The following DNAH7 variants were observed in gnomAD, a reference collection of about 807,000 sequenced individuals.
DNAH7 encodes axonemal beta dynein heavy chain 7.
A neutral mutation model predicts 444.6 loss-of-function variants in DNAH7; 397 were observed. The observed-to-expected ratio is 0.89, with a 90% confidence interval of 0.82 to 0.97. The LOEUF is 0.97. DNAH7 is among the 50% of genes least tolerant of loss of function. The pLI is 0.00. For synonymous variants in DNAH7, 1,636 were observed against 1,624.4 expected (o/e 1.01, Z -0.17); for missense variants, 4,902 against 4,800.8 (o/e 1.02, Z -0.62).
chr2:195,768,536 G>A (rs1694692917), intron 61 of DNAH7, among the ~76,000 whole-genome samples: 1 of 151,692 alleles, frequency 6.6e-6, no homozygotes, highest in African/African-American at 2.4e-5. Context: ...CTTTGCATAC[G>A]TGTGCATGTA....
intron 31 of DNAH7, among the ~76,000 whole-genome samples, chr2:195,891,040 T>G (rs1701985940): frequency 6.6e-6 from 1 of 152,214 alleles, no homozygotes; most frequent in Non-Finnish European, 1.5e-5. Context: ...TAATATGTAT[T>G]GGTCTGCGGA....
intron 34 of DNAH7, among the ~76,000 whole-genome samples, chr2:195,885,680 CTACA>C (rs1701663483): frequency 2.0e-5 from 3 of 151,958 alleles, no homozygotes; most frequent in Non-Finnish European, 2.9e-5. Flanking sequence ...TATTTATTAC[CTACA>C]TATTTTCTTG....
chr2:195,938,030 T>A (rs1374233564), intron 19 of DNAH7, among the ~76,000 whole-genome samples: 1 of 152,102 alleles, frequency 6.6e-6, no homozygotes, highest in African/African-American at 2.4e-5. Flanking sequence ...GACTGAGAGA[T>A]AACCAAAAAT....
Position 195,816,810 on chromosome 2 carries a change from C to T in DNAH7, c.9579G>A (p.Glu3193=), listed in dbSNP as rs1697244395. 1 of 1,614,140 alleles carries T rather than the reference C, an allele frequency of 6.2e-7. No individual in the cohort carries two copies. Among genetic ancestry groups the T allele is most frequent in the South Asian group, 1.1e-5 (1 of 91,084 alleles). ...SQKQEVAEET[E]KKIDTTRMGY... is the part of the protein sequence containing the mutation. ...CCATGCGGGTGGTGTCAATCTTTTT[C>T]TCTGTCTCTTCGGCTACTTCCTGCT... The change falls in exon 51 of 65, where the codon GAG becomes GAA. Residue 3193 remains glutamate, a synonymous_variant. Coordinates refer to ENST00000312428, the MANE Select transcript of DNAH7 (RefSeq NM_018897.3).
chr2:195,826,080 T>C (rs1163022200), intron 48 of DNAH7, among the ~76,000 whole-genome samples: 1 of 152,242 alleles, frequency 6.6e-6, no homozygotes, highest in Non-Finnish European at 1.5e-5. Flanking sequence ...CTTCTACTTT[T>C]ATACTATTAT....
intron 15 of DNAH7, among the ~76,000 whole-genome samples, chr2:195,984,346 TTTTA>T (rs533551950): frequency 7.0e-4 from 107 of 152,248 alleles, no homozygotes; most frequent in East Asian, 5.2e-3. Flanking sequence ...TTTTTATTTA[TTTTA>T]TTTATTTATT....
chr2:195,919,012 A>C (rs1469922714), intron 24 of DNAH7, among the ~76,000 whole-genome samples: 1 of 152,110 alleles, frequency 6.6e-6, no homozygotes, highest in African/African-American at 2.4e-5. Flanking sequence ...GCACTTTGGG[A>C]GCCCGAGGCT....
intron 1 of DNAH7, chr2:196,063,883 TCCAGCTGCAG>T (rs1234997447): frequency 6.6e-6 from 1 of 152,164 alleles, no homozygotes; most frequent in Non-Finnish European, 1.5e-5. Context: ...CAAACTCTAT[TCCAGCTGCAG>T]CCAGCAGCCA....
At chr2:195,770,258 TTAGAG>T (rs1177135955) in intron 61 of DNAH7, among the ~76,000 whole-genome samples, 2 of 152,220 alleles carry the variant, frequency 1.3e-5, no homozygotes, top group African/African-American at 4.8e-5. Context: ...TCAGCAGTGG[TTAGAG>T]TAAACTTTTA....
At chr2:195,937,696 T>C (rs1360420625) in intron 19 of DNAH7, among the ~76,000 whole-genome samples, 1 of 152,202 alleles carries the variant, frequency 6.6e-6, no homozygotes, top group African/African-American at 2.4e-5. Flanking sequence ...TTTTTACTTT[T>C]TTTTCTTTAA....
intron 19 of DNAH7, among the ~76,000 whole-genome samples, chr2:195,950,260 A>T (rs1690130116): frequency 6.6e-6 from 1 of 152,048 alleles, no homozygotes; most frequent in Non-Finnish European, 1.5e-5. Context: ...TTGGTAGGCT[A>T]TTAATTACTG....
At chr2:196,002,623 A>G (rs1389902295) in intron 10 of DNAH7, among the ~76,000 whole-genome samples, 1 of 152,202 alleles carries the variant, frequency 6.6e-6, no homozygotes, top group Non-Finnish European at 1.5e-5. Context: ...AAGAGAGAAA[A>G]TCTAAATTTG....
At chr2:195,785,262 T>C (rs12690521) in intron 58 of DNAH7, among the ~76,000 whole-genome samples, 71,996 of 152,018 alleles carry the variant, frequency 0.47, 18,400 homozygotes, top group Non-Finnish European at 0.59. Context: ...GTTTTAAGAG[T>C]TTGTTGGATA....
At chr2:196,002,100 A>G (rs1305212702) in intron 10 of DNAH7, among the ~76,000 whole-genome samples, 3 of 152,252 alleles carry the variant, frequency 2.0e-5, no homozygotes, top group Non-Finnish European at 4.4e-5. Flanking sequence ...ACATAATTCT[A>G]ACTCCTGGAA....
At chr2:195,742,011 G>A (rs751451319) in intron 63 of DNAH7, among the ~76,000 whole-genome samples, 5 of 152,118 alleles carry the variant, frequency 3.3e-5, no homozygotes, top group Non-Finnish European at 7.4e-5. Context: ...TCTCTTCTCT[G>A]GGTTTTAGCT....
Position 195,984,662 on chromosome 2 carries a change from A to T in DNAH7, c.1803T>A (p.Pro601=), listed in dbSNP as rs771283433. The T allele has an allele frequency of 6.2e-7, 1 of 1,613,990 alleles. No homozygotes were observed. Among genetic ancestry groups the T allele is most frequent in the Admixed American group, 1.7e-5 (1 of 60,018 alleles). The change falls in exon 15 of 65, where the codon CCT becomes CCA. Residue 601 remains proline (P), a synonymous_variant. Coordinates refer to ENST00000312428, the MANE Select transcript of DNAH7 (RefSeq NM_018897.3). The part of the protein sequence containing the change: ...ERIAEKALST[P]PNTAELMEMK... The stretch of plus-strand genomic sequence containing the variant: ...TTTCCATTAGTTCTGCTGTATTTGG[A>T]GGAGTGCTAAGAGCTTTTTCAGCTA...
intron 63 of DNAH7, among the ~76,000 whole-genome samples, chr2:195,745,034 G>C (rs1693307136): frequency 6.6e-6 from 1 of 152,214 alleles, no homozygotes; most frequent in African/African-American, 2.4e-5. Flanking sequence ...AGAGAAGAAG[G>C]CTTCAGACGA....
intron 63 of DNAH7, among the ~76,000 whole-genome samples, chr2:195,749,840 G>T (rs559150307): frequency 6.9e-6 from 1 of 143,896 alleles, no homozygotes; most frequent in Non-Finnish European, 1.5e-5. Flanking sequence ...TGTGGGGAAG[G>T]GGGAGGGGGG....
chr2:195,752,193 C>T (rs1693833513), intron 63 of DNAH7, among the ~76,000 whole-genome samples: 1 of 151,596 alleles, frequency 6.6e-6, no homozygotes, highest in South Asian at 2.1e-4. Context: ...ATCACTTGGG[C>T]CCAGGAGGTC....
Sources: allele counts gnomAD v4.1 joint callset (sites outside exome capture counted in the v4.1 genomes callset), GRCh38; gene constraint gnomAD v4.1.1; transcripts MANE v1.5; gene names NCBI Gene and HGNC (gene_info 2026-07-23, HGNC 2026-07-21).